CHST8: variants seen among roughly 807,000 people sequenced by gnomAD.
The protein encoded by CHST8 is carbohydrate sulfotransferase 8.
CHST8 carries 10 observed loss-of-function variants against 15.0 expected under a neutral mutation model. The ratio of observed to expected loss-of-function variants is 0.67; its 90% CI spans 0.41 to 1.13. CHST8 has a LOEUF of 1.13. Ranked by LOEUF, CHST8 falls within the 50% of genes most tolerant of loss-of-function variation. The probability of loss-of-function intolerance (pLI) is 0.00; values close to 1 mark genes in which losing one functional copy is unlikely to be tolerated. For synonymous variants in CHST8, 259 were observed against 256.6 expected (o/e 1.01, Z -0.09); for missense variants, 634 against 608.2 (o/e 1.04, Z -0.45).
At chr19:33,632,893 C>T (rs1334744881) in intron 1 of CHST8, among the ~76,000 whole-genome samples, 7 of 152,104 alleles carry the variant, frequency 4.6e-5, no homozygotes, top group East Asian at 1.9e-4. Flanking sequence ...CTCAGCCTCC[C>T]GAGTAGCTGG....
Position 33,726,249 on chromosome 19 carries a change from C to A in CHST8, c.130+36858C>A, listed in dbSNP as rs144261489. Among the ~76,000 whole-genome samples, 136 of 152,286 alleles carry A rather than the reference C, an allele frequency of 8.9e-4. No individual in the cohort carries two copies. The East Asian group carries it at 0.01, about 11-fold the overall frequency. On this transcript the variant is annotated intron_variant, in intron 3 of 4. Coordinates refer to ENST00000650847, the MANE Select transcript of CHST8 (RefSeq NM_001127895.2). The stretch of plus-strand genomic sequence containing the variant: ...CCTAAAGGCCTTGCCATCCTGGGAC[C>A]TGGTATTGATGTCTTTAAAGGTGAG...
rs1156316771 is a variant in CHST8 at position 33,622,197 on chromosome 19, G to C, written c.-263G>C. On this transcript the variant is annotated 5_prime_UTR_variant, in exon 1 of 5. Coordinates refer to ENST00000650847, the MANE Select transcript of CHST8 (RefSeq NM_001127895.2). ...GCACCGGGCCCGAGCTGGGTCGGAGGTCCTCTCCGCCGCCTGCGCGCCCCA... is the reference window on the plus strand; with the variant it reads ...GCACCGGGCCCGAGCTGGGTCGGAGCTCCTCTCCGCCGCCTGCGCGCCCCA... The C allele has an allele frequency of 6.6e-6, 1 of 151,784 alleles. No homozygotes were observed. Among genetic ancestry groups the C allele is most frequent in the Non-Finnish European group, 1.5e-5 (1 of 67,922 alleles). The allele number at this position is 151,784 out of a possible 1,614,324, so 9.4% of individuals were successfully genotyped here.
At chr19:33,750,912 A>T (rs976793870) in intron 3 of CHST8, among the ~76,000 whole-genome samples, 16 of 107,238 alleles carry the variant, frequency 1.5e-4, no homozygotes, top group African/African-American at 5.6e-4. Context: ...ACCCCCACCC[A>T]GCCCTGCAAC....
chr19:33,724,399 C>T (rs927388547), intron 3 of CHST8, among the ~76,000 whole-genome samples: 1 of 152,214 alleles, frequency 6.6e-6, no homozygotes, highest in African/African-American at 2.4e-5. Context: ...GTTCCCTCCA[C>T]TTTTAGATGA....
At chr19:33,662,245 T>A (rs756733684) in intron 1 of CHST8, among the ~76,000 whole-genome samples, 1 of 152,052 alleles carries the variant, frequency 6.6e-6, no homozygotes, top group Non-Finnish European at 1.5e-5. Context: ...GCCTGGCTAC[T>A]TTTTGTATTT....
At chr19:33,732,257 T>A (rs1329520701) in intron 3 of CHST8, among the ~76,000 whole-genome samples, 3 of 152,182 alleles carry the variant, frequency 2.0e-5, no homozygotes, top group Admixed American at 2.0e-4. Flanking sequence ...CTGCACCAGC[T>A]GTTGCAAGGC....
At chr19:33,653,832 A>G (rs952563751) in intron 1 of CHST8, among the ~76,000 whole-genome samples, 2 of 152,216 alleles carry the variant, frequency 1.3e-5, no homozygotes, top group East Asian at 3.9e-4. Flanking sequence ...GGTCAGCTCT[A>G]CGTAAACCTT....
At chr19:33,754,823 A>G (rs1974513769) in intron 3 of CHST8, among the ~76,000 whole-genome samples, 1 of 152,202 alleles carries the variant, frequency 6.6e-6, no homozygotes. Flanking sequence ...TCTGTTGTGG[A>G]TGTGAACCTT....
chr19:33,687,486 G>A (rs1047843653), intron 2 of CHST8, among the ~76,000 whole-genome samples: 6 of 152,196 alleles, frequency 3.9e-5, no homozygotes, highest in African/African-American at 7.2e-5. Context: ...TGACACCCCG[G>A]AGCCAGCTCC....
chr19:33,622,808 G>C (rs1297169012), intron 1 of CHST8, among the ~76,000 whole-genome samples: 1 of 152,190 alleles, frequency 6.6e-6, no homozygotes, highest in Non-Finnish European at 1.5e-5. Flanking sequence ...CGTCGCGCGC[G>C]TCCCCGACCC....
chr19:33,753,314 T>C (rs1351704375), intron 3 of CHST8, among the ~76,000 whole-genome samples: 1 of 151,660 alleles, frequency 6.6e-6, no homozygotes, highest in African/African-American at 2.4e-5. Flanking sequence ...CAATCTTTTC[T>C]TCAGGACTTC....
At chr19:33,756,173 T>C (rs1016402883) in intron 3 of CHST8, among the ~76,000 whole-genome samples, 1 of 152,230 alleles carries the variant, frequency 6.6e-6, no homozygotes, top group Non-Finnish European at 1.5e-5. Flanking sequence ...ACGTGAATAC[T>C]GTGATGATGG....
intron 3 of CHST8, among the ~76,000 whole-genome samples, chr19:33,757,421 A>G (rs1224326461): frequency 5.7e-4 from 6 of 10,528 alleles, no homozygotes; most frequent in East Asian, 1.8e-3. Flanking sequence ...AAAGAAAGAA[A>G]GAAAGAAAGA....
At chr19:33,676,646 C>T (rs951342201) in intron 2 of CHST8, among the ~76,000 whole-genome samples, 6 of 152,018 alleles carry the variant, frequency 3.9e-5, no homozygotes, top group East Asian at 1.9e-4. Context: ...GAGGCTGAGG[C>T]GGAAGGATTG....
chr19:33,711,980 G>T (rs1397617637), intron 3 of CHST8, among the ~76,000 whole-genome samples: 2 of 152,212 alleles, frequency 1.3e-5, no homozygotes, highest in Non-Finnish European at 2.9e-5. Context: ...AGTGTGTAAG[G>T]ACAGCGACAA....
intron 3 of CHST8, among the ~76,000 whole-genome samples, chr19:33,766,003 T>A (rs1182552079): frequency 6.6e-6 from 1 of 151,892 alleles, no homozygotes; most frequent in African/African-American, 2.4e-5. Context: ...TAGGAGGGAG[T>A]CTCGGACCTC....
At chr19:33,661,149 T>A (rs1972580515) in intron 1 of CHST8, among the ~76,000 whole-genome samples, 1 of 151,158 alleles carries the variant, frequency 6.6e-6, no homozygotes, top group Non-Finnish European at 1.5e-5. Flanking sequence ...TCTACAAAAA[T>A]AAAATAAAAT....
intron 3 of CHST8, among the ~76,000 whole-genome samples, chr19:33,713,443 G>C (rs1973598868): frequency 6.6e-6 from 1 of 152,188 alleles, no homozygotes; most frequent in Admixed American, 6.5e-5. Context: ...TGGCCAAGCA[G>C]CTGCCCACTT....
chr19:33,677,288 A>T (rs1972822806), intron 2 of CHST8, among the ~76,000 whole-genome samples: 1 of 152,140 alleles, frequency 6.6e-6, no homozygotes, highest in African/African-American at 2.4e-5. Flanking sequence ...GATGCCACAG[A>T]GCCCCACGTA....
Sources: allele counts gnomAD v4.1 joint callset (sites outside exome capture counted in the v4.1 genomes callset), GRCh38; gene constraint gnomAD v4.1.1; transcripts MANE v1.5; gene names NCBI Gene and HGNC (gene_info 2026-07-23, HGNC 2026-07-21).